MAP2K2: variants seen among roughly 807,000 people sequenced by gnomAD.
MAP2K2 encodes the protein mitogen-activated protein kinase kinase 2.
In MAP2K2, 24 loss-of-function variants were observed where a neutral mutation model predicts 43.7. The ratio of observed to expected loss-of-function variants is 0.55; its 90% CI spans 0.40 to 0.77. The LOEUF is 0.77. MAP2K2 is among the 30% of genes least tolerant of loss of function. The probability of loss-of-function intolerance (pLI) is 0.00; values close to 1 mark genes in which losing one functional copy is unlikely to be tolerated. For missense variants in MAP2K2, 470 were observed against 566.8 expected, an observed-to-expected ratio of 0.83 and a Z score of 1.73; for synonymous variants, 244 against 239.7, an observed-to-expected ratio of 1.02 and a Z score of -0.17.
chr19:4,096,782 G>A (rs956160570), intron 8 of MAP2K2, among the ~76,000 whole-genome samples: 2 of 152,124 alleles, frequency 1.3e-5, no homozygotes, highest in African/African-American at 2.4e-5. Flanking sequence ...CTGGCTCCTC[G>A]GCCTGAGCCC....
At chr19:4,091,584 C>T (rs2040855706) in intron 10 of MAP2K2, among the ~76,000 whole-genome samples, 1 of 152,068 alleles carries the variant, frequency 6.6e-6, no homozygotes, top group South Asian at 2.1e-4. Flanking sequence ...AACTCCTGAA[C>T]TCAAATGATC....
intron 3 of MAP2K2, chr19:4,102,783 G>C: frequency 7.9e-7 from 1 of 1,258,532 alleles, no homozygotes; most frequent in Non-Finnish European, 1.0e-6. Flanking sequence ...CGGGGGCTCA[G>C]GCAGCTGTGG....
At chr19:4,097,203 C>T (rs562132266) in intron 8 of MAP2K2, 76 bp downstream of exon 8, 29 of 793,188 alleles carry the variant, frequency 3.7e-5, no homozygotes, top group Non-Finnish European at 5.1e-5. Context: ...AGAGACTCTG[C>T]CTAAAAAAAA....
chr19:4,094,782 C>T (rs1298534491), intron 9 of MAP2K2: 2 of 510,888 alleles, frequency 3.9e-6, no homozygotes, highest in Non-Finnish European at 7.1e-6. Flanking sequence ...TGGACGCAAC[C>T]CCAGCTAACT....
chr19:4,114,496 T>C (rs2041196550), intron 2 of MAP2K2, among the ~76,000 whole-genome samples: 1 of 152,176 alleles, frequency 6.6e-6, no homozygotes, highest in Non-Finnish European at 1.5e-5. Context: ...ATCTCTGCTA[T>C]GAGCATGGAC....
At chr19:4,117,209 C>A (rs1338878326) in intron 2 of MAP2K2, among the ~76,000 whole-genome samples, 5 of 152,208 alleles carry the variant, frequency 3.3e-5, no homozygotes, top group Non-Finnish European at 5.9e-5. Context: ...CACTGGAGGG[C>A]ACAGCTGTGT....
At chr19:4,123,365 CT>C (rs1292908776) in intron 1 of MAP2K2, among the ~76,000 whole-genome samples, 1 of 152,030 alleles carries the variant, frequency 6.6e-6, no homozygotes, top group Admixed American at 6.5e-5. Context: ...TCAGGGACCC[CT>C]GTCCCCATCC....
Position 4,092,394 on chromosome 19 carries a change from G to A in MAP2K2, c.1093-1686C>T, listed in dbSNP as rs1234456189. Among the ~76,000 whole-genome samples the A allele has an allele frequency of 6.6e-5, 10 of 152,176 alleles. No homozygotes were observed. The East Asian group carries it at 1.7e-3, about 27-fold the overall frequency. ...TGGGTGGATCACAAGTTCGAGACTGGCCTGGTCAACATGGTGAAACCCCAT... is the reference window on the plus strand; with the variant it reads ...TGGGTGGATCACAAGTTCGAGACTGACCTGGTCAACATGGTGAAACCCCAT... On this transcript the variant is annotated intron_variant, in intron 10 of 10. Transcript: ENST00000262948.
intron 10 of MAP2K2, among the ~76,000 whole-genome samples, chr19:4,091,038 G>C (rs1477804727): frequency 6.6e-6 from 1 of 152,212 alleles, no homozygotes; most frequent in Non-Finnish European, 1.5e-5. Context: ...ACCGGGGCCG[G>C]ATCATTCTCT....
At chr19:4,097,740 G>A (rs1036026140) in intron 7 of MAP2K2, among the ~76,000 whole-genome samples, 4 of 152,168 alleles carry the variant, frequency 2.6e-5, no homozygotes, top group African/African-American at 9.7e-5. Flanking sequence ...GGTGATGGGG[G>A]CAGGCCCCAA....
intron 10 of MAP2K2, among the ~76,000 whole-genome samples, chr19:4,091,448 G>A (rs991556883): frequency 6.6e-6 from 1 of 151,982 alleles, no homozygotes; most frequent in African/African-American, 2.4e-5. Flanking sequence ...CGCCTCCCGG[G>A]TTCAAGCGAT....
intron 1 of MAP2K2, among the ~76,000 whole-genome samples, chr19:4,122,877 C>T (rs1388090578): frequency 1.3e-5 from 2 of 151,612 alleles, no homozygotes; most frequent in African/African-American, 2.4e-5. Context: ...TTGAGGGACC[C>T]TTACCCCGTC....
At chr19:4,093,149 C>G (rs532687358) in intron 10 of MAP2K2, among the ~76,000 whole-genome samples, 1 of 151,744 alleles carries the variant, frequency 6.6e-6, no homozygotes, top group Non-Finnish European at 1.5e-5. Flanking sequence ...ACCTGGGAGG[C>G]GGAGGTTGCA....
intron 8 of MAP2K2, among the ~76,000 whole-genome samples, chr19:4,096,058 A>C (rs553553840): frequency 1.3e-5 from 2 of 152,322 alleles, no homozygotes; most frequent in South Asian, 4.1e-4. Context: ...TACACACCTG[A>C]GCCACCGTGC....
intron 2 of MAP2K2, among the ~76,000 whole-genome samples, chr19:4,111,723 G>A (rs2041155478): frequency 1.3e-5 from 2 of 152,238 alleles, no homozygotes; most frequent in South Asian, 2.1e-4. Context: ...GGAGGCTGAG[G>A]TGGGCGGACT....
At chr19:4,118,221 A>G (rs2041250701) in intron 1 of MAP2K2, among the ~76,000 whole-genome samples, 1 of 152,174 alleles carries the variant, frequency 6.6e-6, no homozygotes, top group Non-Finnish European at 1.5e-5. Flanking sequence ...TATAGGCGTG[A>G]GCCATTGCAC....
intron 3 of MAP2K2, chr19:4,103,293 C>A: frequency 1.0e-6 from 1 of 980,414 alleles, no homozygotes; most frequent in Non-Finnish European, 1.2e-6. Context: ...ACAGAAATTC[C>A]ATGTCTTGCC....
rs1280472415 is a variant in MAP2K2, at chr19:4,101,861, C to T, written c.528+515G>A. 6.6e-6 allele frequency among the ~76,000 whole-genome samples: 1 copy of T among 152,170 alleles called. No individual in the cohort carries two copies. The highest frequency in any genetic ancestry group is 1.5e-5 in the Non-Finnish European group (1 of 68,028). ...TGGTATGGGCAGGCGGGACTCGGCC[C>T]CTGCTATGGACAAGGTGCAAGCTCC... On this transcript the variant is annotated intron_variant, in intron 4 of 10. Coordinates refer to ENST00000262948, the MANE Select transcript of MAP2K2 (RefSeq NM_030662.4). The surrounding 1 kb of genome is among the most constrained non-coding windows in gnomAD (Gnocchi z 6.3).
chr19:4,103,280 G>A, intron 3 of MAP2K2: 1 of 983,672 alleles, frequency 1.0e-6, no homozygotes, highest in Non-Finnish European at 1.2e-6. Context: ...CATAAATGAT[G>A]AAACAGAAAT....
Sources: allele counts gnomAD v4.1 joint callset (sites outside exome capture counted in the v4.1 genomes callset), GRCh38; gene constraint gnomAD v4.1.1; non-coding constraint Gnocchi (gnomAD v3.1); transcripts MANE v1.5; gene names NCBI Gene and HGNC (gene_info 2026-07-23, HGNC 2026-07-21).